Variants in NUP210L observed in about 807,000 individuals in gnomAD.
NUP210L encodes the protein nuclear pore membrane glycoprotein 210-like.
Under a neutral mutation model 208.5 loss-of-function variants are expected in NUP210L, and 74 were observed. The observed-to-expected ratio is 0.35, with a 90% CI of 0.29 to 0.43. The LOEUF (loss-of-function observed/expected upper bound fraction) is 0.43, where lower values mean the gene tolerates loss of function less well. Among genes scored for constraint, NUP210L ranks in the 20% least tolerant of loss-of-function variants. The pLI is 1.00. For synonymous variants in NUP210L, 780 were observed against 816.9 expected, an observed-to-expected ratio of 0.95 and a Z score of 0.77; for missense variants, 1,843 against 2,289.4, an observed-to-expected ratio of 0.81 and a Z score of 3.98.
exon 2 of NUP210L, chr1:154,152,754 T>C (rs1448640974): frequency 1.2e-6 from 2 of 1,614,082 alleles, no homozygotes; most frequent in Non-Finnish European, 1.7e-6. Flanking sequence ...CGAGCAAGAA[T>C]AATACTGCTG....
intron 37 of NUP210L, among the ~76,000 whole-genome samples, chr1:153,996,200 A>G (rs956026468): frequency 1.3e-5 from 2 of 151,990 alleles, no homozygotes; most frequent in Non-Finnish European, 2.9e-5. Flanking sequence ...GCTGAGGCAG[A>G]AGAATGGCGT....
At chr1:154,121,894 A>G (rs1450291310) in intron 10 of NUP210L, among the ~76,000 whole-genome samples, 1 of 152,048 alleles carries the variant, frequency 6.6e-6, no homozygotes, top group Non-Finnish European at 1.5e-5. Flanking sequence ...AACTTTAAAA[A>G]GAAAAGCAAA....
chr1:154,083,633 T>G (rs1655469214), intron 16 of NUP210L, among the ~76,000 whole-genome samples: 1 of 152,082 alleles, frequency 6.6e-6, no homozygotes, highest in Non-Finnish European at 1.5e-5. Context: ...GCTTGATGTG[T>G]GGGGAAAAAA....
At chr1:154,118,317 AAAAG>A (rs539965654) in intron 11 of NUP210L, among the ~76,000 whole-genome samples, 14 of 152,158 alleles carry the variant, frequency 9.2e-5, no homozygotes, top group African/African-American at 1.4e-4. Context: ...CTCAGAAAAA[AAAAG>A]AAAGAAAGAA....
chr1:154,091,736 A>C (rs1655928048), intron 15 of NUP210L, among the ~76,000 whole-genome samples: 2 of 151,326 alleles, frequency 1.3e-5, no homozygotes, highest in African/African-American at 4.8e-5. Context: ...CCTGAACTCA[A>C]ATGATCTGCC....
intron 35 of NUP210L, among the ~76,000 whole-genome samples, chr1:154,009,072 G>T (rs1650744820): frequency 6.6e-6 from 1 of 151,888 alleles, no homozygotes; most frequent in African/African-American, 2.4e-5. Flanking sequence ...ACCACGCCTG[G>T]CTAATTTTTG....
intron 2 of NUP210L, among the ~76,000 whole-genome samples, chr1:154,150,938 C>A (rs368298580): frequency 3.9e-5 from 6 of 152,182 alleles, no homozygotes; most frequent in Admixed American, 3.3e-4. Flanking sequence ...TAGTAGGACA[C>A]CAAGACTGGC....
At chr1:154,055,452 T>C (rs1653811754) in intron 23 of NUP210L, among the ~76,000 whole-genome samples, 3 of 152,230 alleles carry the variant, frequency 2.0e-5, no homozygotes, top group African/African-American at 4.8e-5. Flanking sequence ...GGTTTCACCA[T>C]GTTGGCCAGG....
rs566497789 is a variant in NUP210L at position 154,026,410 on chromosome 1, G to A, written c.3948-694C>T. 2.7e-4 allele frequency among the ~76,000 whole-genome samples: 41 copies of A among 152,046 alleles called. 1 individual carries two copies. The highest frequency in any genetic ancestry group is 1.2e-3 in the Admixed American group (18 of 15,268). On this transcript the variant is annotated intron_variant, in intron 29 of 39. Transcript: ENST00000368559. Reference sequence around the variant, plus strand: ...GTTGCCCAGGCTGGAGTTCAATGGCGTGATCTTGGCTCACTGCAGCCTCCG... The same window carrying A: ...GTTGCCCAGGCTGGAGTTCAATGGCATGATCTTGGCTCACTGCAGCCTCCG...
intron 25 of NUP210L, among the ~76,000 whole-genome samples, chr1:154,052,866 A>G (rs929860896): frequency 6.6e-6 from 1 of 152,152 alleles, no homozygotes; most frequent in African/African-American, 2.4e-5. Flanking sequence ...CATGAATTGC[A>G]CCTCCCAGTC....
At chr1:154,076,706 A>T (rs926607904) in intron 16 of NUP210L, among the ~76,000 whole-genome samples, 2 of 152,158 alleles carry the variant, frequency 1.3e-5, no homozygotes, top group African/African-American at 4.8e-5. Context: ...AAAAAAGAAC[A>T]AACATCAGAG....
chr1:154,027,080 C>CAAAAAAAAAAAA (rs59626984), intron 29 of NUP210L, among the ~76,000 whole-genome samples: 8 of 101,738 alleles, frequency 7.9e-5, no homozygotes, highest in African/African-American at 3.4e-4. Context: ...GAGACTGTCT[C>CAAAAAAAAAAAA]AAAAAAAAAA....
intron 27 of NUP210L, among the ~76,000 whole-genome samples, chr1:154,034,876 C>G (rs1249214510): frequency 1.4e-5 from 2 of 141,908 alleles, no homozygotes; most frequent in South Asian, 2.2e-4. Flanking sequence ...GAATCTTGCT[C>G]TGTTGCCCAG....
At chr1:154,069,731 A>G (rs921147021) in intron 17 of NUP210L, among the ~76,000 whole-genome samples, 3 of 152,176 alleles carry the variant, frequency 2.0e-5, no homozygotes, top group Non-Finnish European at 4.4e-5. Flanking sequence ...AAATCATGCT[A>G]CTATAAAGAC....
intron 37 of NUP210L, among the ~76,000 whole-genome samples, chr1:153,999,823 C>A (rs369622215): frequency 7.0e-6 from 1 of 142,100 alleles, no homozygotes; most frequent in South Asian, 2.4e-4. Flanking sequence ...GACAACTATT[C>A]TTTTTCCTTT....
At chr1:154,071,210 A>T (rs1242557756) in intron 16 of NUP210L, among the ~76,000 whole-genome samples, 1 of 151,612 alleles carries the variant, frequency 6.6e-6, no homozygotes, top group Non-Finnish European at 1.5e-5. Flanking sequence ...CATCCTCCCA[A>T]TTCAGTCGCC....
chr1:154,049,708 T>C (rs1376732378), intron 25 of NUP210L, among the ~76,000 whole-genome samples: 1 of 152,216 alleles, frequency 6.6e-6, no homozygotes, highest in East Asian at 1.9e-4. Flanking sequence ...GAGTCATTAA[T>C]TCAGTTATAC....
chr1:154,045,368 AT>A (rs1269827434), intron 27 of NUP210L, among the ~76,000 whole-genome samples: 2 of 152,214 alleles, frequency 1.3e-5, no homozygotes, highest in Non-Finnish European at 2.9e-5. Context: ...TCTGAACATG[AT>A]AAAAAATAAA....
At chr1:154,006,532 C>T (rs1441210617) in intron 35 of NUP210L, among the ~76,000 whole-genome samples, 4 of 151,622 alleles carry the variant, frequency 2.6e-5, no homozygotes, top group South Asian at 4.2e-4. Flanking sequence ...TCACTCTTAC[C>T]GCCCAGGCTG....
Sources: allele counts gnomAD v4.1 joint callset (sites outside exome capture counted in the v4.1 genomes callset), GRCh38; gene constraint gnomAD v4.1.1; transcripts MANE v1.5; gene names NCBI Gene and HGNC (gene_info 2026-07-23, HGNC 2026-07-21).